Variants in AGAP1 observed in about 807,000 individuals in gnomAD.
The protein encoded by AGAP1 is arf-GAP with GTPase, ANK repeat and PH domain-containing protein 1.
A neutral mutation model predicts 105.3 loss-of-function variants in AGAP1; 29 were observed. The observed-to-expected ratio is 0.28, with a 90% CI of 0.21 to 0.38. AGAP1 has a LOEUF of 0.38. Ranked by LOEUF, AGAP1 falls within the 10% of genes least tolerant of loss-of-function variation. The pLI, the probability that AGAP1 is intolerant of heterozygous loss-of-function variation, is 1.00. For missense variants in AGAP1, 998 were observed against 1,165.1 expected (o/e 0.86, Z 2.09); for synonymous variants, 509 against 485.9 (o/e 1.05, Z -0.63).
At chr2:235,616,066 G>A (rs1946297016) in intron 1 of AGAP1, among the ~76,000 whole-genome samples, 1 of 152,124 alleles carries the variant, frequency 6.6e-6, no homozygotes, top group African/African-American at 2.4e-5. Context: ...CAATTAAAAT[G>A]ACAGGTGACT....
chr2:235,758,466 C>A (rs961754733), intron 6 of AGAP1, among the ~76,000 whole-genome samples: 1 of 152,086 alleles, frequency 6.6e-6, no homozygotes, highest in Non-Finnish European at 1.5e-5. Flanking sequence ...CCGTTTCTAC[C>A]TGTGGTCTTG....
At position 236,078,037 on chromosome 2, in the gene AGAP1, TTG is replaced by T. The variant is rs9287595; in HGVS notation, c.2114+28792_2114+28793del. On this transcript the variant is annotated intron_variant, in intron 16 of 17. Coordinates refer to ENST00000304032, the MANE Select transcript of AGAP1 (RefSeq NM_001037131.3). The surrounding 1 kb of genome is among the most constrained non-coding windows in gnomAD (Gnocchi z 5.3). ...AGGGTTCTCCAGAGAAACAACCAAT[TTG>T]TGTGTGTGTGTGTGTGTGTGTGTGT... Among the ~76,000 whole-genome samples, 4,292 of 140,360 alleles carry T rather than the reference TTG, an allele frequency of 0.031. 86 individuals are homozygous for T. The highest frequency in any genetic ancestry group is 0.059 in the African/African-American group (2,215 of 37,722). The allele number at this position is 140,360 out of a possible 152,430, so 92.1% of individuals were successfully genotyped here. A position where few individuals can be genotyped will look rare whatever the true frequency, so the allele number is the denominator to read the frequency against.
intron 9 of AGAP1, among the ~76,000 whole-genome samples, chr2:235,851,068 G>A (rs575707674): frequency 1.3e-5 from 2 of 152,226 alleles, no homozygotes. Context: ...TCTCCCACAG[G>A]AAGGGCGCTG....
Position 236,002,317 on chromosome 2 carries a change from A to C in AGAP1, c.1645+33694A>C, listed in dbSNP as rs2056155832. On this transcript the variant is annotated intron_variant, in intron 13 of 17. Transcript: ENST00000304032. This position sits in a 1 kb window ranked among gnomAD's most constrained non-coding sequence, Gnocchi z 4.3. ...CCGTCCTGGAACAGCCGGTGACTCA[A>C]AGCTCAAATATCATCCCCACCTGGA... Among the ~76,000 whole-genome samples, 2 of 152,170 alleles carry C rather than the reference A, an allele frequency of 1.3e-5. No individual in the cohort carries two copies. The highest frequency in any genetic ancestry group is 6.5e-5 in the Admixed American group (1 of 15,290).
chr2:236,102,286 G>A (rs1415955229), intron 16 of AGAP1, among the ~76,000 whole-genome samples: 9 of 150,346 alleles, frequency 6.0e-5, no homozygotes, highest in South Asian at 2.2e-4. Context: ...GCGTGGTGGC[G>A]GGTGCCTGTG....
intron 1 of AGAP1, among the ~76,000 whole-genome samples, chr2:235,526,711 C>T (rs1396902356): frequency 6.6e-6 from 1 of 152,090 alleles, no homozygotes; most frequent in African/African-American, 2.4e-5. Context: ...TGATGAGGAC[C>T]TGAACAACAT....
chr2:235,855,689 C>G lies in AGAP1; in HGVS notation c.1051-27656C>G, dbSNP rs2048659034. On this transcript the variant is annotated intron_variant, in intron 9 of 17. Transcript: ENST00000304032. The surrounding 1 kb of genome is among the most constrained non-coding windows in gnomAD (Gnocchi z 5.0). ...CTGGGAAGACCGAGAGGCTGAGCAG[C>G]AGCTCCACTGAATTCAAGTCAGAGG... 6.6e-6 allele frequency among the ~76,000 whole-genome samples: 1 copy of G among 152,176 alleles called. No individual in the cohort carries two copies. Among genetic ancestry groups the G allele is most frequent in the South Asian group, 2.1e-4 (1 of 4,826 alleles).
rs527984877 is a variant in AGAP1, at chr2:235,523,934, A to G, written c.163+29085A>G. Among the ~76,000 whole-genome samples the G allele has an allele frequency of 5.1e-4, 76 of 150,168 alleles. No homozygotes were observed. The South Asian group carries it at 0.016, about 31-fold the overall frequency. On this transcript the variant is annotated intron_variant, in intron 1 of 17. Coordinates refer to ENST00000304032, the MANE Select transcript of AGAP1 (RefSeq NM_001037131.3). ...GTGCCTCCTCATCCCTCCAGTAGGGATGACCCTGCACGGATGAGGCCGGGG... is the reference window on the plus strand; with the variant it reads ...GTGCCTCCTCATCCCTCCAGTAGGGGTGACCCTGCACGGATGAGGCCGGGG...
At position 235,710,165 on chromosome 2, in the gene AGAP1, C is replaced by T. The variant is rs1016326212; in HGVS notation, c.222+928C>T. The stretch of plus-strand genomic sequence containing the variant: ...CATTTCTATTGATAGCACCAGATCC[C>T]CTGCGGCCCGTGGACTCCTCCCCAC... On this transcript the variant is annotated intron_variant, in intron 2 of 17. Coordinates refer to ENST00000304032, the MANE Select transcript of AGAP1 (RefSeq NM_001037131.3). Among the ~76,000 whole-genome samples the T allele has an allele frequency of 6.6e-5, 10 of 152,278 alleles. No homozygotes were observed. In the East Asian group the frequency reaches 1.9e-3, roughly 29 times the overall value.
In AGAP1 at chr2:235,664,026, C is replaced by G. The variant is rs959052764; in HGVS notation, c.164-45153C>G. ...TTACCCTTGACCGCATCCCTCCTGT[C>G]CCTGAGCTCGAAGGCTGAATGGTCG... On this transcript the variant is annotated intron_variant, in intron 1 of 17. Transcript: ENST00000304032. This position sits in a 1 kb window ranked among gnomAD's most constrained non-coding sequence, Gnocchi z 5.7. Among the ~76,000 whole-genome samples the G allele has an allele frequency of 1.3e-5, 2 of 152,114 alleles. No individual in the cohort carries two copies. The highest frequency in any genetic ancestry group is 1.3e-4 in the Admixed American group (2 of 15,272).
intron 9 of AGAP1, among the ~76,000 whole-genome samples, chr2:235,880,949 G>A (rs1466806788): frequency 6.6e-6 from 1 of 152,142 alleles, no homozygotes; most frequent in Non-Finnish European, 1.5e-5. Flanking sequence ...GCATTTTCCT[G>A]TGGGCTTCAT....
intron 1 of AGAP1, among the ~76,000 whole-genome samples, chr2:235,567,552 T>C (rs1314172849): frequency 1.3e-5 from 2 of 152,190 alleles, no homozygotes; most frequent in African/African-American, 4.8e-5. Flanking sequence ...GAGCTGTCTT[T>C]TCATGGGTCT....
At chr2:235,966,014 G>T (rs1174150309) in intron 12 of AGAP1, among the ~76,000 whole-genome samples, 3 of 149,714 alleles carry the variant, frequency 2.0e-5, no homozygotes, top group African/African-American at 7.4e-5. Context: ...TTTCCTCTGG[G>T]GATGGAGGAG....
At chr2:235,686,586 C>CACACACAT (rs1949400978) in intron 1 of AGAP1, among the ~76,000 whole-genome samples, 2 of 129,286 alleles carry the variant, frequency 1.5e-5, no homozygotes, top group African/African-American at 6.2e-5. Flanking sequence ...CACACACACA[C>CACACACAT]ACGTGTGTGT....
At chr2:235,862,206 C>G (rs1044512713) in intron 9 of AGAP1, among the ~76,000 whole-genome samples, 1 of 152,136 alleles carries the variant, frequency 6.6e-6, no homozygotes, top group African/African-American at 2.4e-5. Flanking sequence ...GACTCTGATT[C>G]GATGCACTTT....
At chr2:236,075,140 AAGG>A (rs1346706796) in intron 16 of AGAP1, among the ~76,000 whole-genome samples, 5 of 152,164 alleles carry the variant, frequency 3.3e-5, no homozygotes, top group Non-Finnish European at 5.9e-5. Context: ...GTAGAGATAG[AAGG>A]AGAAGCGGTT....
intron 13 of AGAP1, among the ~76,000 whole-genome samples, chr2:235,978,125 C>G (rs902653726): frequency 2.0e-5 from 3 of 152,156 alleles, no homozygotes; most frequent in Non-Finnish European, 2.9e-5. Context: ...CTCATCTAAC[C>G]CTCATCACCT....
At chr2:236,024,896 G>A (rs1168054374) in intron 13 of AGAP1, among the ~76,000 whole-genome samples, 1 of 152,210 alleles carries the variant, frequency 6.6e-6, no homozygotes, top group African/African-American at 2.4e-5. Context: ...ACAGCTAACT[G>A]TTAAACACAG....
rs560300029 is a variant in AGAP1 at position 235,714,391 on chromosome 2, A to G, written c.223-3166A>G. Among the ~76,000 whole-genome samples the G allele has an allele frequency of 1.3e-4, 20 of 152,034 alleles. No individual in the cohort carries two copies. In the East Asian group the frequency reaches 1.8e-3, roughly 13 times the overall value. On this transcript the variant is annotated intron_variant, in intron 2 of 17. Coordinates refer to ENST00000304032, the MANE Select transcript of AGAP1 (RefSeq NM_001037131.3). The surrounding 1 kb of genome is among the most constrained non-coding windows in gnomAD (Gnocchi z 4.1). ...GGGGAAGCACAAACATTCCTACCAT[A>G]TAGTTGAAGGCTTGTCAGAGGAGGT...
Sources: gnomAD v4.1 joint callset for allele counts (sites outside exome capture counted in the v4.1 genomes callset) on GRCh38, gnomAD v4.1.1 for gene constraint, Gnocchi (gnomAD v3.1) non-coding constraint, MANE v1.5 for transcripts, NCBI Gene and HGNC (gene_info 2026-07-23, HGNC 2026-07-21) for gene names.